DOP1B: variants seen among roughly 807,000 people sequenced by gnomAD.
DOP1B encodes DOP1 leucine zipper like protein B, also known as protein DOP1B.
In DOP1B, 174 loss-of-function variants were observed where a neutral mutation model predicts 233.5. The observed-to-expected ratio is 0.75, with a 90% CI of 0.66 to 0.85. The LOEUF is 0.85. DOP1B is among the 40% of genes least tolerant of loss of function. DOP1B has a pLI of 0.00. For synonymous variants in DOP1B, 1,190 were observed against 1,185.6 expected (o/e 1.00, Z -0.08); for missense variants, 2,652 against 2,846.6 (o/e 0.93, Z 1.56).
chr21:36,223,613 A>G (rs916721660), intron 11 of DOP1B, among the ~76,000 whole-genome samples: 6 of 152,196 alleles, frequency 3.9e-5, no homozygotes, highest in African/African-American at 1.2e-4. Flanking sequence ...GAAAATCCTC[A>G]GCGCATTTTC....
At chr21:36,173,424 CTT>C (rs11284211) in intron 2 of DOP1B, among the ~76,000 whole-genome samples, 74 of 139,746 alleles carry the variant, frequency 5.3e-4, no homozygotes, top group South Asian at 6.9e-4. Flanking sequence ...AATAGTTTAT[CTT>C]TTTTTTTTTT....
Position 36,169,275 on chromosome 21 carries a change from C to G in DOP1B, c.138+4404C>G, listed in dbSNP as rs143587399. On this transcript the variant is annotated intron_variant, in intron 2 of 36. Transcript: ENST00000691173. ...TCAGACAGGTCATAGTCCGTGGAGG[C>G]ATTGTTCTTGATCGGTTTGCTGTCC... 1.3e-4 allele frequency: 105 copies of G among 823,966 alleles called. No individual in the cohort carries two copies. The African/African-American group carries it at 1.5e-3, about 12-fold the overall frequency. 51.0% of individuals were successfully genotyped at this position (823,966 alleles called of 1,614,324 possible). A position where few individuals can be genotyped will look rare whatever the true frequency, so the allele number is the denominator to read the frequency against.
Position 36,231,021 on chromosome 21 carries a change from G to T in DOP1B, c.2237G>T (p.Arg746Leu). The T allele has an allele frequency of 6.2e-7, 1 of 1,614,176 alleles. No homozygotes were observed. The change falls in exon 14 of 37, where the codon CGC (arginine) becomes CTC (leucine). Residue 746 changes from arginine to leucine, a missense_variant. Coordinates refer to ENST00000691173, the MANE Select transcript of DOP1B (RefSeq NM_001320714.2). ...VIDLGGSREE[R>L]REAFAAACHL... ...GACCTGGGGGGTTCCAGGGAGGAAC[G>T]CAGGGAGGCCTTTGCCGCCGCCTGC...
chr21:36,168,432 G>A (rs1479050349), intron 2 of DOP1B, among the ~76,000 whole-genome samples: 1 of 152,078 alleles, frequency 6.6e-6, no homozygotes, highest in Admixed American at 6.6e-5. Context: ...ACTTACTGAG[G>A]AGCCACCAAA....
In DOP1B at chr21:36,267,643, T is replaced by TTTTTTG. The variant is rs2067244738; in HGVS notation, c.5488-2370_5488-2369insTTTTTG. Among the ~76,000 whole-genome samples the TTTTTTG allele has an allele frequency of 8.0e-5, 12 of 150,584 alleles. 1 individual carries two copies. The highest frequency in any genetic ancestry group is 5.8e-4 in the East Asian group (3 of 5,156). The stretch of plus-strand genomic sequence containing the variant: ...AGTGAGACTTTTTTTTTTTTTTTTT[T>TTTTTTG]GAGATGGAGTCTTGCTCTGTTATTG... On this transcript the variant is annotated intron_variant, in intron 26 of 36. Coordinates refer to ENST00000691173, the MANE Select transcript of DOP1B (RefSeq NM_001320714.2).
intron 4 of DOP1B, among the ~76,000 whole-genome samples, chr21:36,206,844 C>T (rs1436546285): frequency 1.3e-5 from 2 of 152,200 alleles, no homozygotes; most frequent in Non-Finnish European, 2.9e-5. Flanking sequence ...AATCGCCCTG[C>T]CTACTTCTTC....
rs775973895 is a variant in DOP1B at position 36,238,707 on chromosome 21, G to T, written c.2876+6G>T. 3 of 1,614,072 alleles carry T rather than the reference G, an allele frequency of 1.9e-6. No individual in the cohort carries two copies. The highest frequency in any genetic ancestry group is 1.7e-6 in the Non-Finnish European group (2 of 1,179,908). On this transcript the variant is annotated splice_donor_region_variant and intron_variant, in intron 17 of 36. Coordinates refer to ENST00000691173, the MANE Select transcript of DOP1B (RefSeq NM_001320714.2). ...CACAATCGCTCCTTTGATAGGTGAG[G>T]CGGCCTTCGTTATGATCTACCGTTA...
chr21:36,293,170 C>T (rs11701918), intron 36 of DOP1B, 150 bp from the exon 37 acceptor site: 192,320 of 757,000 alleles, frequency 0.25, 26,410 homozygotes, highest in Admixed American at 0.29. Context: ...CACGCTGCTG[C>T]ACTCCAGCCT....
chr21:36,194,860 C>T (rs986718549), intron 2 of DOP1B, among the ~76,000 whole-genome samples: 14 of 152,134 alleles, frequency 9.2e-5, no homozygotes, highest in African/African-American at 3.1e-4. Context: ...GCCTTTAGTG[C>T]ACCTTTTCTT....
chr21:36,269,586 TCTC>T (rs2067263855), intron 26 of DOP1B, among the ~76,000 whole-genome samples: 1 of 152,232 alleles, frequency 6.6e-6, no homozygotes, highest in African/African-American at 2.4e-5. Flanking sequence ...AGTGGCATGA[TCTC>T]AGCTCACTGC....
chr21:36,278,505 C>T, intron 30 of DOP1B, 150 bp downstream of exon 30: 2 of 746,816 alleles, frequency 2.7e-6, no homozygotes, highest in Non-Finnish European at 4.3e-6. Flanking sequence ...CGCATGTTGA[C>T]CATGTGTTCA....
intron 1 of DOP1B, among the ~76,000 whole-genome samples, chr21:36,159,423 C>T (rs2065850543): frequency 1.3e-5 from 2 of 152,090 alleles, no homozygotes. Context: ...TGCACTCCAG[C>T]CCGGTCAACA....
At chr21:36,158,373 C>T (rs1259510858) in intron 1 of DOP1B, among the ~76,000 whole-genome samples, 1 of 152,178 alleles carries the variant, frequency 6.6e-6, no homozygotes, top group East Asian at 1.9e-4. Flanking sequence ...GAGACCTGTA[C>T]TATCTCACTG....
chr21:36,174,965 A>G (rs1047257993), intron 2 of DOP1B, among the ~76,000 whole-genome samples: 1 of 152,164 alleles, frequency 6.6e-6, no homozygotes. Flanking sequence ...TTTGTTTCAC[A>G]GTTCTGGAAG....
At chr21:36,169,541 T>C in intron 2 of DOP1B, 1 of 1,123,370 alleles carries the variant, frequency 8.9e-7, no homozygotes, top group Non-Finnish European at 1.3e-6. Flanking sequence ...GATCATCTCG[T>C]CCAGCCCAAA....
intron 26 of DOP1B, among the ~76,000 whole-genome samples, chr21:36,266,784 G>C (rs180842646): frequency 4.6e-5 from 7 of 152,292 alleles, no homozygotes; most frequent in Admixed American, 2.6e-4. Context: ...TCTAAGACAC[G>C]TATTACTTTG....
intron 15 of DOP1B, among the ~76,000 whole-genome samples, chr21:36,235,457 C>T (rs377485455): frequency 2.6e-5 from 4 of 151,910 alleles, no homozygotes; most frequent in East Asian, 1.9e-4. Flanking sequence ...CGGTGGCTCA[C>T]GCCTGTAATC....
At position 36,239,882 on chromosome 21, in the gene DOP1B, C is replaced by T. The variant is rs531378777; in HGVS notation, c.2994C>T (p.Pro998=). Reference sequence around the variant, plus strand: ...GGGACGTGGCTCGCATCCTCGAACCCGTGCTCCTGCTGCTGCTGCAGCCAA... The same window carrying T: ...GGGACGTGGCTCGCATCCTCGAACCTGTGCTCCTGCTGCTGCTGCAGCCAA... ...SLGDVARILE[P]VLLLLLQPKT... Residue 998 remains proline (P), a synonymous_variant, in exon 18 of 37, where the codon CCC becomes CCT. Coordinates refer to ENST00000691173, the MANE Select transcript of DOP1B (RefSeq NM_001320714.2). The T allele has an allele frequency of 4.2e-5, 67 of 1,605,654 alleles. No individual in the cohort carries two copies. The highest frequency in any genetic ancestry group is 4.5e-4 in the Middle Eastern group (2 of 4,494).
At chr21:36,292,694 C>T (rs1436509535) in intron 36 of DOP1B, among the ~76,000 whole-genome samples, 1 of 151,630 alleles carries the variant, frequency 6.6e-6, no homozygotes, top group Non-Finnish European at 1.5e-5. Context: ...TCACTGCAAC[C>T]TCCACCTCCC....
Sources: gnomAD v4.1 joint callset for allele counts (sites outside exome capture counted in the v4.1 genomes callset) on GRCh38, gnomAD v4.1.1 for gene constraint, MANE v1.5 for transcripts, NCBI Gene and HGNC (gene_info 2026-07-23, HGNC 2026-07-21) for gene names.